Variants in CCSER1 observed in about 807,000 individuals in gnomAD.
CCSER1 encodes the protein coiled-coil serine rich protein 1.
In CCSER1, 41 loss-of-function variants were observed where a neutral mutation model predicts 82.0. That is an observed-to-expected ratio of 0.50 (90% CI 0.39 to 0.65). The LOEUF (loss-of-function observed/expected upper bound fraction) is 0.65, where lower values mean the gene tolerates loss of function less well. Among genes scored for constraint, CCSER1 ranks in the 30% least tolerant of loss-of-function variants. CCSER1 has a pLI of 0.00. For missense variants in CCSER1, 1,119 were observed against 1,064.2 expected, an observed-to-expected ratio of 1.05 and a Z score of -0.72; for synonymous variants, 414 against 383.9, an observed-to-expected ratio of 1.08 and a Z score of -0.92.
In CCSER1 at chr4:90,284,097, C is replaced by A. The variant is rs529823965; in HGVS notation, c.-41-24147C>A. Among the ~76,000 whole-genome samples, 8 of 152,122 alleles carry A rather than the reference C, an allele frequency of 5.3e-5. No individual in the cohort carries two copies. In the South Asian group the frequency reaches 1.5e-3, roughly 28 times the overall value. ...AGTGATGTTGAGCAATTTTCATATACCAGTAGGCCATTTTAATGTCTTTTT... is the reference window on the plus strand; with the variant it reads ...AGTGATGTTGAGCAATTTTCATATAACAGTAGGCCATTTTAATGTCTTTTT... On this transcript the variant is annotated intron_variant, in intron 1 of 10. Coordinates refer to ENST00000509176, the MANE Select transcript of CCSER1 (RefSeq NM_001145065.2).
At chr4:91,578,377 A>G (rs971319191) in intron 10 of CCSER1, among the ~76,000 whole-genome samples, 3 of 151,984 alleles carry the variant, frequency 2.0e-5, no homozygotes, top group Non-Finnish European at 2.9e-5. Flanking sequence ...ATTATATATA[A>G]GAATACTCAG....
intron 6 of CCSER1, among the ~76,000 whole-genome samples, chr4:90,723,480 A>C (rs1033760786): frequency 4.6e-5 from 7 of 151,962 alleles, no homozygotes; most frequent in African/African-American, 1.7e-4. Flanking sequence ...ATAATGAAAA[A>C]AATGGTTGCA....
intron 1 of CCSER1, among the ~76,000 whole-genome samples, chr4:90,213,010 G>C (rs1379741602): frequency 6.6e-6 from 1 of 152,166 alleles, no homozygotes; most frequent in East Asian, 1.9e-4. Flanking sequence ...GATCATGAAG[G>C]CATTTGTAAG....
intron 10 of CCSER1, among the ~76,000 whole-genome samples, chr4:91,164,505 GATA>G (rs1319466975): frequency 6.6e-6 from 1 of 152,104 alleles, no homozygotes; most frequent in Non-Finnish European, 1.5e-5. Context: ...AGTTCTCCTG[GATA>G]ATATCCTGGA....
At chr4:90,626,323 G>T (rs1041971616) in intron 5 of CCSER1, among the ~76,000 whole-genome samples, 4 of 151,914 alleles carry the variant, frequency 2.6e-5, no homozygotes, top group Non-Finnish European at 5.9e-5. Context: ...TCAAAAATTC[G>T]ATTATAACTA....
intron 10 of CCSER1, among the ~76,000 whole-genome samples, chr4:91,536,830 G>C (rs1375187292): frequency 6.6e-6 from 1 of 151,876 alleles, no homozygotes; most frequent in Non-Finnish European, 1.5e-5. Flanking sequence ...TTTACTATTT[G>C]TAAATAGTCC....
chr4:90,538,839 A>T (rs944754415), intron 5 of CCSER1, among the ~76,000 whole-genome samples: 1 of 152,084 alleles, frequency 6.6e-6, no homozygotes, highest in Non-Finnish European at 1.5e-5. Context: ...AATGGTGAGG[A>T]CTTTGTGAAC....
At chr4:90,911,127 C>G in intron 8 of CCSER1, 1 of 361,966 alleles carries the variant, frequency 2.8e-6, no homozygotes, top group Middle Eastern at 1.0e-3. Flanking sequence ...TATTTAATTC[C>G]AATATCCATT....
At chr4:90,829,711 C>T (rs1354304633) in intron 8 of CCSER1, among the ~76,000 whole-genome samples, 1 of 152,178 alleles carries the variant, frequency 6.6e-6, no homozygotes, top group African/African-American at 2.4e-5. Context: ...CCCAAGTGCA[C>T]ACCTGAAGGT....
At chr4:90,523,468 G>A (rs1773380507) in intron 5 of CCSER1, among the ~76,000 whole-genome samples, 2 of 152,072 alleles carry the variant, frequency 1.3e-5, no homozygotes, top group South Asian at 4.1e-4. Flanking sequence ...TGATTACTTG[G>A]CAAATAAAGG....
chr4:90,199,651 T>C (rs543142832), intron 1 of CCSER1, among the ~76,000 whole-genome samples: 9 of 152,310 alleles, frequency 5.9e-5, no homozygotes, highest in South Asian at 2.1e-4. Flanking sequence ...AGAGAGACTT[T>C]AGCTAATCAG....
Position 91,011,225 on chromosome 4 carries a change from G to A in CCSER1, c.2173-74725G>A, listed in dbSNP as rs548211706. 3.0e-5 allele frequency among the ~76,000 whole-genome samples: 4 copies of A among 134,618 alleles called. No individual in the cohort carries two copies. In the South Asian group the frequency reaches 9.6e-4, roughly 32 times the overall value. The allele number at this position is 134,618 out of a possible 152,430, so 88.3% of individuals were successfully genotyped here. A position where few individuals can be genotyped will look rare whatever the true frequency, so the allele number is the denominator to read the frequency against. The stretch of plus-strand genomic sequence containing the variant: ...TGTGGGTGCCTCTGTGGCCTAGGTT[G>A]TAGCAGTTTGTGGTGGCAGTGGTAG... On this transcript the variant is annotated intron_variant, in intron 9 of 10. Transcript: ENST00000509176.
chr4:90,629,466 C>T (rs567960963), intron 6 of CCSER1, among the ~76,000 whole-genome samples: 128 of 152,168 alleles, frequency 8.4e-4, no homozygotes, highest in Admixed American at 1.4e-3. Flanking sequence ...TGCAGGGAAA[C>T]TCTTATTTAT....
chr4:91,285,039 C>G (rs1581903532), intron 10 of CCSER1, among the ~76,000 whole-genome samples: 1 of 151,980 alleles, frequency 6.6e-6, no homozygotes, highest in South Asian at 2.1e-4. Context: ...CTAATGTGAA[C>G]AGAAGATGGG....
intron 10 of CCSER1, among the ~76,000 whole-genome samples, chr4:91,501,113 T>C (rs1759185513): frequency 6.6e-6 from 1 of 151,850 alleles, no homozygotes. Context: ...CTGAAAATAT[T>C]ATATTAATCA....
intron 10 of CCSER1, among the ~76,000 whole-genome samples, chr4:91,194,831 A>G (rs1212776142): frequency 6.6e-6 from 1 of 152,222 alleles, no homozygotes; most frequent in Non-Finnish European, 1.5e-5. Flanking sequence ...CACTGTAAAA[A>G]GCATAGCTTA....
At chr4:90,752,243 A>T (rs1748778210) in intron 7 of CCSER1, among the ~76,000 whole-genome samples, 1 of 152,178 alleles carries the variant, frequency 6.6e-6, no homozygotes, top group South Asian at 2.1e-4. Flanking sequence ...AATAAATGGC[A>T]GAACCAAAAT....
At chr4:90,408,663 T>G (rs981549592) in intron 4 of CCSER1, among the ~76,000 whole-genome samples, 18 of 152,038 alleles carry the variant, frequency 1.2e-4, no homozygotes, top group African/African-American at 4.4e-4. Context: ...CAAAGGTAGA[T>G]AAAACCACAA....
chr4:91,037,488 T>C (rs572957935), intron 9 of CCSER1, among the ~76,000 whole-genome samples: 2 of 152,346 alleles, frequency 1.3e-5, no homozygotes, highest in South Asian at 2.1e-4. Flanking sequence ...TATTTTCTGA[T>C]AGATTGTATT....
Sources: allele counts gnomAD v4.1 joint callset (sites outside exome capture counted in the v4.1 genomes callset), GRCh38; gene constraint gnomAD v4.1.1; transcripts MANE v1.5; gene names NCBI Gene and HGNC (gene_info 2026-07-23, HGNC 2026-07-21).